Variants in PTK2 observed in about 807,000 individuals in gnomAD.
PTK2 encodes focal adhesion kinase 1.
In PTK2, 45 loss-of-function variants were observed where a neutral mutation model predicts 150.1. The observed-to-expected ratio is 0.30, with a 90% confidence interval of 0.24 to 0.38. The LOEUF is 0.38. PTK2 is among the 10% of genes least tolerant of loss of function. The pLI is 1.00. For synonymous variants in PTK2, 432 were observed against 449.2 expected, an observed-to-expected ratio of 0.96 and a Z score of 0.48; for missense variants, 919 against 1,307.3, an observed-to-expected ratio of 0.70 and a Z score of 4.58.
chr8:140,757,828 T>C (rs970078354), intron 16 of PTK2, among the ~76,000 whole-genome samples: 1 of 152,206 alleles, frequency 6.6e-6, no homozygotes, highest in Admixed American at 6.5e-5. Flanking sequence ...AGTGGTCTCA[T>C]AAGATTATAA....
intron 5 of PTK2, 146 bp downstream of exon 5, chr8:140,864,166 T>TA (rs1161573838): frequency 1.6e-5 from 7 of 449,854 alleles, no homozygotes; most frequent in Non-Finnish European, 2.8e-5. Context: ...AATAATTTCT[T>TA]ATTGGTTAAA....
intron 23 of PTK2, among the ~76,000 whole-genome samples, chr8:140,716,978 G>A (rs757224829): frequency 3.3e-5 from 5 of 152,184 alleles, no homozygotes; most frequent in Non-Finnish European, 7.3e-5. Context: ...ACTGTAAAAG[G>A]CCTGGGCTGA....
In PTK2 at chr8:140,879,701, AC is replaced by A. The variant is rs67426509; in HGVS notation, c.196-65del. On this transcript the variant is annotated intron_variant, in intron 3 of 31. Transcript: ENST00000522684. ...GAAAAAAAAAAAAAAAAAAAAAAAA[AC>A]CAAAACAAAACAAAAACAAAACAAA... The A allele has an allele frequency of 3.9e-3, 4,031 of 1,035,588 alleles. 33 individuals are homozygous for A. Among genetic ancestry groups the A allele is most frequent in the Admixed American group, 8.5e-3 (216 of 25,520 alleles). The allele number at this position is 1,035,588 out of a possible 1,614,324, so 64.1% of individuals were successfully genotyped here. A position where few individuals can be genotyped will look rare whatever the true frequency, so the allele number is the denominator to read the frequency against.
At chr8:140,687,886 TCCTCCCTTCCC>T (rs1483566893) in intron 26 of PTK2, among the ~76,000 whole-genome samples, 2 of 152,040 alleles carry the variant, frequency 1.3e-5, no homozygotes, top group East Asian at 1.9e-4. Context: ...TTTGCCTTCT[TCCTCCCTTCCC>T]CCTTTCCTTC....
chr8:140,767,841 A>G (rs2100073233), intron 14 of PTK2, among the ~76,000 whole-genome samples: 1 of 152,166 alleles, frequency 6.6e-6, no homozygotes, highest in Non-Finnish European at 1.5e-5. Context: ...GATTGTTAAG[A>G]TAGTATTACA....
intron 14 of PTK2, among the ~76,000 whole-genome samples, 175 bp downstream of exon 14, chr8:140,789,299 C>T (rs780697459): frequency 7.6e-5 from 11 of 144,874 alleles, no homozygotes; most frequent in Non-Finnish European, 1.7e-4. Flanking sequence ...AAAAAAAAAA[C>T]TATGAGCCAT....
intron 23 of PTK2, among the ~76,000 whole-genome samples, chr8:140,714,634 T>C (rs2100038604): frequency 6.6e-6 from 1 of 151,054 alleles, no homozygotes; most frequent in Non-Finnish European, 1.5e-5. Flanking sequence ...CTGTCTGTAC[T>C]AAAAATACAA....
intron 8 of PTK2, among the ~76,000 whole-genome samples, chr8:140,823,449 G>A (rs1284578275): frequency 3.5e-5 from 5 of 143,266 alleles, no homozygotes; most frequent in Admixed American, 2.3e-4. Flanking sequence ...GATAGAAGTC[G>A]AGGAAACAGA....
At chr8:140,894,994 A>G (rs1321822244) in intron 2 of PTK2, among the ~76,000 whole-genome samples, 1 of 152,232 alleles carries the variant, frequency 6.6e-6, no homozygotes, top group African/African-American at 2.4e-5. Flanking sequence ...ACACTGAGTG[A>G]AAGAGAAAGA....
At position 140,901,949 on chromosome 8, in the gene PTK2, T is replaced by A. The variant is rs184444992; in HGVS notation, c.-32-11180A>T. Among the ~76,000 whole-genome samples, 155 of 152,186 alleles carry A rather than the reference T, an allele frequency of 1.0e-3. 1 individual carries two copies. The highest frequency in any genetic ancestry group is 6.8e-3 in the Admixed American group (104 of 15,286). ...TGTGTTAGTTTGCCAAGAATGATGG[T>A]TTCCAGCTTCATCCACGTCCCTGCA... On this transcript the variant is annotated intron_variant, in intron 2 of 31. Coordinates refer to ENST00000522684, the Ensembl canonical transcript of PTK2.
In PTK2 at chr8:140,834,574, T is replaced by C. The variant is rs1320214601; in HGVS notation, c.594-4048A>G. Reference sequence around the variant, plus strand: ...ACAAAGAAAAGAGAGGCTGTATTCATTTACTCCCTCACTGAGACCATATGA... The same window carrying C: ...ACAAAGAAAAGAGAGGCTGTATTCACTTACTCCCTCACTGAGACCATATGA... On this transcript the variant is annotated intron_variant, in intron 7 of 31. Transcript: ENST00000522684. 3.3e-5 allele frequency among the ~76,000 whole-genome samples: 5 copies of C among 152,300 alleles called. No homozygotes were observed. The East Asian group carries it at 9.7e-4, about 29-fold the overall frequency.
At chr8:140,664,340 C>G (rs946258537) in intron 31 of PTK2, among the ~76,000 whole-genome samples, 4 of 152,152 alleles carry the variant, frequency 2.6e-5, no homozygotes, top group African/African-American at 9.7e-5. Context: ...TAGGGTCTCA[C>G]TATGTTGTCT....
chr8:140,927,975 A>AAAAAAAAAAAAAAAAAAAAAAAAAATAT, intron 1 of PTK2, among the ~76,000 whole-genome samples: 1 of 48,196 alleles, frequency 2.1e-5, no homozygotes, highest in Non-Finnish European at 3.4e-5. Flanking sequence ...AAAAAAAAAA[A>AAAAAAAAAAAAAAAAAAAAAAAAAATAT]ATATATATAT....
intron 13 of PTK2, 104 bp downstream of exon 13, chr8:140,793,250 G>T: frequency 8.1e-7 from 1 of 1,235,694 alleles, no homozygotes; most frequent in Non-Finnish European, 1.1e-6. Context: ...CCTTGATCAT[G>T]TATATTGAAT....
At chr8:140,847,232 G>A (rs927375765) in intron 5 of PTK2, among the ~76,000 whole-genome samples, 1 of 152,110 alleles carries the variant, frequency 6.6e-6, no homozygotes, top group Non-Finnish European at 1.5e-5. Context: ...AAGGATTTAC[G>A]TACTTCAAAA....
At chr8:140,762,463 C>A (rs1462131757) in intron 15 of PTK2, 75 bp from the exon 18 acceptor site, 11 of 691,344 alleles carry the variant, frequency 1.6e-5, no homozygotes, top group South Asian at 3.2e-5. Context: ...GTTAACAACA[C>A]AAACTTGAAG....
intron 17 of PTK2, among the ~76,000 whole-genome samples, chr8:140,747,439 GA>G (rs1266793820): frequency 2.2e-5 from 1 of 46,136 alleles, no homozygotes; most frequent in Admixed American, 2.1e-4. Flanking sequence ...AGGAGGAGAA[GA>G]AAGGGGGGGG....
intron 22 of PTK2, among the ~76,000 whole-genome samples, chr8:140,732,912 G>A (rs578162452): frequency 4.9e-4 from 74 of 152,278 alleles, no homozygotes; most frequent in African/African-American, 1.5e-3. Context: ...AGGCATTCTG[G>A]GCTGACAGGA....
At position 140,692,273 on chromosome 8, in the gene PTK2, T is replaced by A. The variant is rs2100023617; in HGVS notation, c.2500-5579A>T. 2.6e-5 allele frequency among the ~76,000 whole-genome samples: 4 copies of A among 152,200 alleles called. 1 individual carries two copies. In the Middle Eastern group the frequency reaches 0.01, roughly 388 times the overall value. On this transcript the variant is annotated intron_variant, in intron 26 of 31. Transcript: ENST00000522684. ...ACGGACCTCCTGAATGAAAGATGAG[T>A]GCCTATTGGGAACTGAAGAGCAATA... is the stretch of plus-strand genomic sequence containing the variant.
Sources: allele counts gnomAD v4.1 joint callset (sites outside exome capture counted in the v4.1 genomes callset), GRCh38; gene constraint gnomAD v4.1.1; transcripts MANE v1.5; gene names NCBI Gene and HGNC (gene_info 2026-07-23, HGNC 2026-07-21).